The following ADGRE3 variants were observed in gnomAD, a reference collection of about 807,000 sequenced individuals.
ADGRE3 encodes the protein adhesion G protein-coupled receptor E3, also known as EGF-like module receptor 3.
In ADGRE3, 88 loss-of-function variants were observed where a neutral mutation model predicts 80.1. The observed-to-expected ratio is 1.10, with a 90% confidence interval of 0.93 to 1.31. The LOEUF is 1.31. ADGRE3 is among the 40% of genes most tolerant of loss of function. ADGRE3 has a pLI of 0.00. For missense variants in ADGRE3, 715 were observed against 776.5 expected (o/e 0.92, Z 0.94); for synonymous variants, 281 against 294.8 (o/e 0.95, Z 0.48).
chr19:14,661,363 T>C (rs745707437), intron 4 of ADGRE3, among the ~76,000 whole-genome samples: 52 of 151,994 alleles, frequency 3.4e-4, no homozygotes, highest in Non-Finnish European at 7.4e-4. Context: ...ACCCTGGGGG[T>C]GTTGAGTTCC....
At chr19:14,605,977 C>T in the ADGRE3 span, among the ~76,000 whole-genome samples, 2 of 152,024 alleles carry the variant, frequency 1.3e-5, no homozygotes, top group African/African-American at 4.8e-5. Context: ...TAGTCTCAAG[C>T]GATCCTCCCT....
chr19:14,636,995 G>A (rs1310840814), intron 11 of ADGRE3, among the ~76,000 whole-genome samples: 2 of 152,144 alleles, frequency 1.3e-5, no homozygotes, highest in East Asian at 1.9e-4. Context: ...TTGGGAGGCT[G>A]AGGCAGGAGA....
intron 10 of ADGRE3, 51 bp downstream of exon 10, chr19:14,641,368 G>A (rs1249067386): frequency 1.2e-6 from 2 of 1,603,456 alleles, no homozygotes; most frequent in African/African-American, 1.3e-5. Flanking sequence ...TGCTCCATGA[G>A]CTCAGTGTAC....
At chr19:14,601,672 G>C in the ADGRE3 span, among the ~76,000 whole-genome samples, 1 of 152,170 alleles carries the variant, frequency 6.6e-6, no homozygotes, top group Non-Finnish European at 1.5e-5. Context: ...AAGCTGGAGT[G>C]CAGTGGTATA....
chr19:14,606,374 C>CAAAA, the ADGRE3 span, among the ~76,000 whole-genome samples: 1 of 94,726 alleles, frequency 1.1e-5, no homozygotes, highest in Non-Finnish European at 2.2e-5. Context: ...GACCCTGTCT[C>CAAAA]AAAAAAAAAA....
the ADGRE3 span, among the ~76,000 whole-genome samples, chr19:14,613,727 C>T: frequency 6.6e-6 from 1 of 152,044 alleles, no homozygotes; most frequent in Non-Finnish European, 1.5e-5. Context: ...ACTCTGTCAC[C>T]CAGGCTGGAG....
intron 14 of ADGRE3, chr19:14,628,751 T>C: frequency 5.9e-6 from 2 of 338,894 alleles, no homozygotes; most frequent in South Asian, 5.3e-5. Flanking sequence ...CAGCCAGTGT[T>C]ACAAGGAAGG....
intron 2 of ADGRE3, among the ~76,000 whole-genome samples, chr19:14,667,666 A>G (rs949867155): frequency 5.3e-5 from 8 of 152,172 alleles, no homozygotes; most frequent in Admixed American, 4.6e-4. Context: ...CAGGGTGGGG[A>G]ACATCACACC....
downstream of ADGRE3, among the ~76,000 whole-genome samples, chr19:14,618,321 G>A (rs182089653): frequency 1.4e-4 from 21 of 152,086 alleles, no homozygotes; most frequent in Admixed American, 3.9e-4. Context: ...GGGAGGCCCC[G>A]GCAGGTGGAT....
rs1377550037 is a variant in ADGRE3, at chr19:14,635,385, G to A, written c.1485-2083C>T. 3.4e-5 allele frequency among the ~76,000 whole-genome samples: 5 copies of A among 146,306 alleles called. No individual in the cohort carries two copies. The South Asian group carries it at 6.6e-4, about 19-fold the overall frequency. The stretch of plus-strand genomic sequence containing the variant: ...TTCCCAAAGTGCTGGGGTTACAGGC[G>A]TGAACCACCATGCCTGGTCTTCCAT... On this transcript the variant is annotated intron_variant, in intron 11 of 15. Coordinates refer to ENST00000253673, the MANE Select transcript of ADGRE3 (RefSeq NM_032571.5).
At chr19:14,644,878 A>G (rs1241101525) in intron 8 of ADGRE3, among the ~76,000 whole-genome samples, 2 of 151,550 alleles carry the variant, frequency 1.3e-5, no homozygotes, top group Non-Finnish European at 2.9e-5. Flanking sequence ...AGTGTGTACC[A>G]CCATGCCCAG....
At chr19:14,674,395 G>T (rs566687315) in intron 1 of ADGRE3, among the ~76,000 whole-genome samples, 38 of 152,244 alleles carry the variant, frequency 2.5e-4, no homozygotes, top group African/African-American at 9.2e-4. Context: ...TACTCAGGAG[G>T]CTGAGGCAGG....
downstream of ADGRE3, among the ~76,000 whole-genome samples, chr19:14,617,285 C>A (rs531211107): frequency 1.4e-5 from 2 of 147,046 alleles, no homozygotes; most frequent in South Asian, 4.3e-4. Flanking sequence ...TTCGTTCTTT[C>A]TCTTTCTCTC....
At chr19:14,615,789 T>C (rs1362522000), downstream of ADGRE3, among the ~76,000 whole-genome samples, 1 of 151,330 alleles carries the variant, frequency 6.6e-6, no homozygotes, top group South Asian at 2.1e-4. Context: ...AGACAGGTTC[T>C]CGCTGTGTTG....
At chr19:14,611,740 G>A in the ADGRE3 span, among the ~76,000 whole-genome samples, 1 of 152,236 alleles carries the variant, frequency 6.6e-6, no homozygotes, top group Admixed American at 6.5e-5. Flanking sequence ...AGTGGCTCAC[G>A]CCTGTAATCC....
rs1400736937 is a variant in ADGRE3, at chr19:14,651,156, GTCTT to G, written c.622_625del (p.Lys208HisfsTer4). On this transcript the variant is annotated frameshift_variant, in exon 7 of 16. Transcript: ENST00000253673. LOFTEE classifies it high-confidence loss of function. ...GTTCATTTGGACGTTCAAGTTGAAT[GTCTT>G]TCTTTCTTCAGAGCAATTGTCTGTA... 1 of 1,614,028 alleles carries G rather than the reference GTCTT, an allele frequency of 6.2e-7. No homozygotes were observed. The highest frequency in any genetic ancestry group is 1.1e-5 in the South Asian group (1 of 91,084).
At chr19:14,663,672 C>T in intron 2 of ADGRE3, 132 bp from the exon 3 acceptor site, 1 of 1,128,330 alleles carries the variant, frequency 8.9e-7, no homozygotes, top group East Asian at 2.9e-5. Flanking sequence ...AACCCCATTT[C>T]TACTAAAAAT....
At chr19:14,663,639 G>C (rs967669544) in intron 2 of ADGRE3, 99 bp from the exon 3 acceptor site, 20 of 1,411,412 alleles carry the variant, frequency 1.4e-5, no homozygotes, top group Non-Finnish European at 1.8e-5. Flanking sequence ...AGGAGTTCAA[G>C]AGCAGCCTGG....
At chr19:14,651,318 G>A in intron 6 of ADGRE3, 114 bp from the exon 7 acceptor site, 3 of 1,174,772 alleles carry the variant, frequency 2.6e-6, no homozygotes, top group Non-Finnish European at 3.7e-6. Context: ...AAGAGGCTGA[G>A]GCAGAAGGAT....
Sources: allele counts gnomAD v4.1 joint callset (sites outside exome capture counted in the v4.1 genomes callset), GRCh38; gene constraint gnomAD v4.1.1; transcripts MANE v1.5; gene names NCBI Gene and HGNC (gene_info 2026-07-23, HGNC 2026-07-21).